Variants in ARMH3 observed in about 807,000 individuals in gnomAD.
ARMH3 encodes the protein armadillo like helical domain containing 3.
Under a neutral mutation model 99.1 loss-of-function variants are expected in ARMH3, and 60 were observed. That is an observed-to-expected ratio of 0.61 (90% CI 0.49 to 0.75). The LOEUF is 0.75. Ranked by LOEUF, ARMH3 falls within the 30% of genes least tolerant of loss-of-function variation. The pLI is 0.00. For missense variants in ARMH3, 679 were observed against 843.1 expected, an observed-to-expected ratio of 0.81 and a Z score of 2.41; for synonymous variants, 285 against 292.8, an observed-to-expected ratio of 0.97 and a Z score of 0.27.
At chr10:101,982,504 T>C (rs1198827418) in intron 19 of ARMH3, among the ~76,000 whole-genome samples, 2 of 152,184 alleles carry the variant, frequency 1.3e-5, no homozygotes, top group Non-Finnish European at 2.9e-5. Context: ...CCTTGTGATA[T>C]TGTAAAAAGG....
intron 22 of ARMH3, among the ~76,000 whole-genome samples, chr10:101,953,171 A>T (rs1037962616): frequency 6.6e-6 from 1 of 152,128 alleles, no homozygotes. Flanking sequence ...ACTCTGTCAC[A>T]CAGGCTGGAG....
chr10:102,028,616 T>C (rs2067053905), intron 5 of ARMH3, among the ~76,000 whole-genome samples: 1 of 152,074 alleles, frequency 6.6e-6, no homozygotes, highest in Non-Finnish European at 1.5e-5. Context: ...ACAAAAACAT[T>C]ATGTGAAGTA....
At chr10:101,943,986 C>A (rs1366160725) in intron 22 of ARMH3, among the ~76,000 whole-genome samples, 1 of 150,336 alleles carries the variant, frequency 6.7e-6, no homozygotes, top group Non-Finnish European at 1.5e-5. Flanking sequence ...ATGGCGTGAA[C>A]CTGGGAGGCG....
At chr10:101,864,004 T>A (rs1589925170) in intron 24 of ARMH3, among the ~76,000 whole-genome samples, 1 of 139,658 alleles carries the variant, frequency 7.2e-6, no homozygotes. Flanking sequence ...GAGGCTGCAG[T>A]GAGACAAGAT....
At chr10:102,041,479 T>C (rs1474239618) in intron 1 of ARMH3, among the ~76,000 whole-genome samples, 4 of 152,136 alleles carry the variant, frequency 2.6e-5, no homozygotes, top group Admixed American at 6.6e-5. Flanking sequence ...GTGCACTATC[T>C]TTCTGATCAA....
chr10:101,877,208 C>CA (rs2067290497), intron 24 of ARMH3, among the ~76,000 whole-genome samples: 1 of 152,044 alleles, frequency 6.6e-6, no homozygotes, highest in Non-Finnish European at 1.5e-5. Flanking sequence ...GAGGCTGAGG[C>CA]AGGAGGACTG....
At chr10:101,962,345 C>G (rs1410019064) in intron 20 of ARMH3, among the ~76,000 whole-genome samples, 2 of 151,978 alleles carry the variant, frequency 1.3e-5, no homozygotes, top group Non-Finnish European at 2.9e-5. Flanking sequence ...AGAAGAATGA[C>G]AACTACTACA....
intron 1 of ARMH3, among the ~76,000 whole-genome samples, chr10:102,049,151 A>G (rs1402530649): frequency 6.6e-6 from 1 of 152,042 alleles, no homozygotes; most frequent in Admixed American, 6.6e-5. Flanking sequence ...AGGTTCCCCC[A>G]CTTCCATCCA....
chr10:101,983,392 C>T (rs1376450195), intron 19 of ARMH3, among the ~76,000 whole-genome samples: 2 of 152,198 alleles, frequency 1.3e-5, no homozygotes, highest in Non-Finnish European at 2.9e-5. Flanking sequence ...AACCATCCTC[C>T]CTCCTCAGCC....
At chr10:102,025,337 A>C (rs1323715675) in intron 5 of ARMH3, 89 bp from the exon 6 acceptor site, 2 of 925,582 alleles carry the variant, frequency 2.2e-6, no homozygotes, top group African/African-American at 3.3e-5. Context: ...GGGTAATGTG[A>C]ATAACACACA....
intron 20 of ARMH3, among the ~76,000 whole-genome samples, chr10:101,962,504 T>C (rs1396785057): frequency 6.6e-6 from 1 of 151,982 alleles, no homozygotes; most frequent in Middle Eastern, 3.2e-3. Flanking sequence ...AAGTAAGAAA[T>C]ACCATGGTCA....
At chr10:101,943,761 G>A (rs1370592528) in intron 22 of ARMH3, among the ~76,000 whole-genome samples, 1 of 151,746 alleles carries the variant, frequency 6.6e-6, no homozygotes, top group Non-Finnish European at 1.5e-5. Context: ...GAGAAGACAA[G>A]GACAATAAAA....
At chr10:102,001,881 T>A (rs1289952046) in intron 15 of ARMH3, 90 bp downstream of exon 15, 4 of 1,196,788 alleles carry the variant, frequency 3.3e-6, no homozygotes, top group Non-Finnish European at 4.9e-6. Flanking sequence ...GTTCATCTTG[T>A]CAAAGCTTCA....
At chr10:101,947,646 C>T (rs891778954) in intron 22 of ARMH3, among the ~76,000 whole-genome samples, 1 of 151,838 alleles carries the variant, frequency 6.6e-6, no homozygotes, top group African/African-American at 2.4e-5. Context: ...ACTAAAAATA[C>T]AAAATTAGCC....
chr10:101,919,259 A>T (rs933840373), intron 23 of ARMH3, among the ~76,000 whole-genome samples: 1 of 152,012 alleles, frequency 6.6e-6, no homozygotes, highest in Admixed American at 6.6e-5. Context: ...TGTCTTAAAC[A>T]ATGACCCATT....
chr10:101,892,289 A>AAAT (rs997593852), intron 23 of ARMH3, among the ~76,000 whole-genome samples: 11 of 150,290 alleles, frequency 7.3e-5, no homozygotes, highest in South Asian at 2.1e-4. Flanking sequence ...TACAAAATAA[A>AAAT]AATAATAATA....
intron 22 of ARMH3, among the ~76,000 whole-genome samples, chr10:101,956,142 C>CA (rs909897634): frequency 1.3e-5 from 2 of 151,372 alleles, no homozygotes; most frequent in African/African-American, 2.4e-5. Flanking sequence ...AAAAGATTTG[C>CA]AAAAAAAAGA....
chr10:101,981,918 C>G (rs1846248793), intron 19 of ARMH3, among the ~76,000 whole-genome samples: 1 of 148,952 alleles, frequency 6.7e-6, no homozygotes, highest in Admixed American at 6.8e-5. Flanking sequence ...ACTCGGGAGG[C>G]TGAGGCAGGA....
intron 20 of ARMH3, among the ~76,000 whole-genome samples, chr10:101,964,489 C>T (rs2135858278): frequency 6.6e-6 from 1 of 152,254 alleles, no homozygotes; most frequent in African/African-American, 2.4e-5. Context: ...AAATGTCCAT[C>T]AAAAGATGAA....
Sources: gnomAD v4.1 joint callset for allele counts (sites outside exome capture counted in the v4.1 genomes callset) on GRCh38, gnomAD v4.1.1 for gene constraint, MANE v1.5 for transcripts, NCBI Gene and HGNC (gene_info 2026-07-23, HGNC 2026-07-21) for gene names.